MALT1: variants seen among roughly 807,000 people sequenced by gnomAD.
MALT1 encodes the protein MALT1 paracaspase.
MALT1 carries 36 observed loss-of-function variants against 85.5 expected under a neutral mutation model. That is an observed-to-expected ratio of 0.42 (90% confidence interval 0.32 to 0.56). MALT1 has a LOEUF of 0.56. MALT1 is among the 20% of genes least tolerant of loss of function. The pLI, the probability that MALT1 is intolerant of heterozygous loss-of-function variation, is 0.10. For synonymous variants in MALT1, 359 were observed against 361.3 expected, an observed-to-expected ratio of 0.99 and a Z score of 0.07; for missense variants, 716 against 981.6, an observed-to-expected ratio of 0.73 and a Z score of 3.62.
chr18:58,709,124 T>C (rs1365655414), intron 4 of MALT1, among the ~76,000 whole-genome samples: 1 of 152,242 alleles, frequency 6.6e-6, no homozygotes, highest in Admixed American at 6.5e-5. Context: ...CTAACACTTT[T>C]AAAGCTTTGA....
intron 10 of MALT1, among the ~76,000 whole-genome samples, chr18:58,728,158 C>A (rs2055090919): frequency 6.6e-6 from 1 of 152,146 alleles, no homozygotes; most frequent in African/African-American, 2.4e-5. Context: ...AAATAAAACT[C>A]CCTAAAGATC....
At chr18:58,740,390 C>T (rs1173759798) in intron 13 of MALT1, among the ~76,000 whole-genome samples, 1 of 68,010 alleles carries the variant, frequency 1.5e-5, no homozygotes, top group Non-Finnish European at 2.9e-5. Context: ...CTAACATCAT[C>T]GTAGTTATTC....
At chr18:58,728,538 G>A (rs1301367660) in intron 10 of MALT1, among the ~76,000 whole-genome samples, 1 of 152,172 alleles carries the variant, frequency 6.6e-6, no homozygotes, top group African/African-American at 2.4e-5. Context: ...CTGTGAGGTC[G>A]AAGCTGCAGT....
intron 2 of MALT1, chr18:58,690,984 GGCAT>G: frequency 3.5e-6 from 1 of 285,878 alleles, no homozygotes; most frequent in Non-Finnish European, 6.9e-6. Context: ...CAGATTCTCA[GGCAT>G]CCTTCTCTGG....
chr18:58,726,660 A>T (rs1404397203), intron 10 of MALT1, among the ~76,000 whole-genome samples: 3 of 152,260 alleles, frequency 2.0e-5, no homozygotes, highest in African/African-American at 7.2e-5. Flanking sequence ...AACTGTCCTT[A>T]AAAATACAAA....
chr18:58,749,359 GCCTGAGGCA>G lies in MALT1; in HGVS notation c.*1520_*1528del, dbSNP rs1286989865. Reference sequence around the variant, plus strand: ...AGGTATCAGAAGTGTTAAGTGACATGCCTGAGGCACCCCCCTAACAGGTGTCAGAGCTGA... The same window carrying G: ...AGGTATCAGAAGTGTTAAGTGACATGCCCCCCTAACAGGTGTCAGAGCTGA... On this transcript the variant is annotated 3_prime_UTR_variant, in exon 17 of 17. Transcript: ENST00000649217. The G allele has an allele frequency of 1.4e-5, 3 of 217,262 alleles. No individual in the cohort carries two copies. The Admixed American group carries it at 1.7e-4, about 13-fold the overall frequency. The allele number at this position is 217,262 out of a possible 1,614,324, so 13.5% of individuals were successfully genotyped here.
chr18:58,723,288 A>G (rs1020751699), intron 10 of MALT1, 37 bp downstream of exon 10: 1 of 1,484,882 alleles, frequency 6.7e-7, no homozygotes, highest in South Asian at 1.2e-5. Context: ...ACAATTATCC[A>G]TTATTCTTTT....
chr18:58,744,292 TATC>T (rs1370628457), intron 14 of MALT1, 43 bp from the exon 15 acceptor site: 11 of 1,405,288 alleles, frequency 7.8e-6, no homozygotes, highest in East Asian at 4.7e-5. Flanking sequence ...ATTTGCCTCT[TATC>T]ATCAGAAAAC....
At chr18:58,723,578 C>T (rs943596956) in intron 10 of MALT1, among the ~76,000 whole-genome samples, 2 of 151,940 alleles carry the variant, frequency 1.3e-5, no homozygotes, top group East Asian at 1.9e-4. Context: ...CATTCATATG[C>T]GTAAAATATT....
At chr18:58,713,123 CATGT>C (rs2054853941) in intron 7 of MALT1, among the ~76,000 whole-genome samples, 5 of 152,098 alleles carry the variant, frequency 3.3e-5, no homozygotes, top group African/African-American at 1.2e-4. Flanking sequence ...GCACATAACA[CATGT>C]GCTGACTCAG....
intron 3 of MALT1, among the ~76,000 whole-genome samples, chr18:58,699,102 G>A (rs1356777777): frequency 6.6e-6 from 1 of 152,122 alleles, no homozygotes; most frequent in Non-Finnish European, 1.5e-5. Context: ...ACCAACTCAG[G>A]GGTTCTGAGT....
At chr18:58,693,124 A>G (rs1299547320) in intron 2 of MALT1, among the ~76,000 whole-genome samples, 1 of 152,220 alleles carries the variant, frequency 6.6e-6, no homozygotes, top group Non-Finnish European at 1.5e-5. Context: ...AGATCTAGCT[A>G]ATGCCAGGCA....
rs528430594 is a variant in MALT1, at chr18:58,679,019, T to A, written c.210-2151T>A. Among the ~76,000 whole-genome samples, 5 of 152,364 alleles carry A rather than the reference T, an allele frequency of 3.3e-5. No individual in the cohort carries two copies. The South Asian group carries it at 1.0e-3, about 32-fold the overall frequency. ...CACTTTGGTTGGCTGTTGTTGGTTA[T>A]GTTTCTTTGGGAAAGTTTTTCTGTC... On this transcript the variant is annotated intron_variant, in intron 1 of 16. Coordinates refer to ENST00000649217, the MANE Select transcript of MALT1 (RefSeq NM_006785.4).
chr18:58,691,143 T>TA (rs2054492319), intron 2 of MALT1: 1 of 246,170 alleles, frequency 4.1e-6, no homozygotes, highest in Non-Finnish European at 8.1e-6. Flanking sequence ...TTGAAGCTAC[T>TA]AAAAATCATG....
At chr18:58,681,036 T>C in intron 1 of MALT1, 134 bp from the exon 2 acceptor site, 1 of 600,352 alleles carries the variant, frequency 1.7e-6, no homozygotes, top group Non-Finnish European at 2.9e-6. Context: ...CTCGCATTCA[T>C]TATGTGAATA....
Position 58,735,292 on chromosome 18 carries a change from T to C in MALT1, c.1566T>C (p.Asp522=), listed in dbSNP as rs777514569. 4 of 1,607,944 alleles carry C rather than the reference T, an allele frequency of 2.5e-6. No homozygotes were observed. The highest frequency in any genetic ancestry group is 3.4e-6 in the Non-Finnish European group (4 of 1,178,072). ...MKFLKDRLLE[D]KKITVLLDEV... The stretch of plus-strand genomic sequence containing the variant: ...TTTTAAAAGACAGATTATTAGAAGA[T>C]AAGAAAATCACTGTGTTACTGGATG... The change falls in exon 13 of 17, where the codon GAT becomes GAC. Residue 522 remains aspartate (D), a synonymous_variant. Coordinates refer to ENST00000649217, the MANE Select transcript of MALT1 (RefSeq NM_006785.4).
chr18:58,733,575 G>C lies in MALT1; in HGVS notation c.1400+1G>C. 6.3e-7 allele frequency: 1 copy of C among 1,580,056 alleles called. No individual in the cohort carries two copies. ...TCTTATTGGATATGTGTAGGAAAAG[G>C]TAAGTTTTCTAATCTTTATTAAAGA... On this transcript the variant is annotated splice_donor_variant, in intron 11 of 16. Coordinates refer to ENST00000649217, the MANE Select transcript of MALT1 (RefSeq NM_006785.4). LOFTEE classifies it high-confidence loss of function.
chr18:58,753,011 CTG>C lies in MALT1; in HGVS notation c.*5171_*5172del, dbSNP rs1212415357. Reference sequence around the variant, plus strand: ...CTTGCCTGTGCTTCTGTTTCCTTATCTGTAAAATGGGGATGATGCTGTAACAT... The same window carrying C: ...CTTGCCTGTGCTTCTGTTTCCTTATCTAAAATGGGGATGATGCTGTAACAT... On this transcript the variant is annotated 3_prime_UTR_variant, in exon 17 of 17. Coordinates refer to ENST00000649217, the MANE Select transcript of MALT1 (RefSeq NM_006785.4). The C allele has an allele frequency of 2.0e-5, 3 of 151,424 alleles. No individual in the cohort carries two copies. Among genetic ancestry groups the C allele is most frequent in the Admixed American group, 6.6e-5 (1 of 15,222 alleles). 9.4% of individuals were successfully genotyped at this position (151,424 alleles called of 1,614,324 possible).
chr18:58,690,630 G>C (rs1423832487), intron 2 of MALT1: 1 of 160,842 alleles, frequency 6.2e-6, no homozygotes, highest in East Asian at 1.9e-4. Context: ...CCCCGTTCAC[G>C]ACCCTGGGAC....
Sources: allele counts gnomAD v4.1 joint callset (sites outside exome capture counted in the v4.1 genomes callset), GRCh38; gene constraint gnomAD v4.1.1; transcripts MANE v1.5; gene names NCBI Gene and HGNC (gene_info 2026-07-23, HGNC 2026-07-21).